Variants in BANK1 observed in about 807,000 individuals in gnomAD.
BANK1 encodes the protein B-cell scaffold protein with ankyrin repeats.
In BANK1, 95 loss-of-function variants were observed where a neutral mutation model predicts 94.5. That is an observed-to-expected ratio of 1.00 (90% CI 0.85 to 1.19). The LOEUF (loss-of-function observed/expected upper bound fraction) is 1.19, where lower values mean the gene tolerates loss of function less well. BANK1 is among the 50% of genes most tolerant of loss of function. The pLI, the probability that BANK1 is intolerant of heterozygous loss-of-function variation, is 0.00. For synonymous variants in BANK1, 334 were observed against 308.4 expected (o/e 1.08, Z -0.87); for missense variants, 987 against 932.2 (o/e 1.06, Z -0.77).
At chr4:101,929,786 G>T (rs1053767522) in intron 7 of BANK1, among the ~76,000 whole-genome samples, 3 of 149,764 alleles carry the variant, frequency 2.0e-5, no homozygotes, top group African/African-American at 7.3e-5. Flanking sequence ...TAGTTTGTTG[G>T]GGGGGGACTA....
intron 3 of BANK1, among the ~76,000 whole-genome samples, chr4:101,856,644 T>C (rs1388903057): frequency 1.3e-5 from 2 of 152,088 alleles, no homozygotes; most frequent in East Asian, 3.9e-4. Flanking sequence ...TACTAAATTT[T>C]CAAAGAAATC....
intron 2 of BANK1, among the ~76,000 whole-genome samples, chr4:101,837,008 CT>C: frequency 6.6e-6 from 1 of 152,218 alleles, no homozygotes; most frequent in African/African-American, 2.4e-5. Context: ...AGCTGGTGGC[CT>C]TTTTCCTCCC....
chr4:102,004,768 C>T (rs1215074020), intron 7 of BANK1, among the ~76,000 whole-genome samples: 1 of 152,096 alleles, frequency 6.6e-6, no homozygotes, highest in East Asian at 1.9e-4. Context: ...TGAGAAAATA[C>T]CTTGTGTGGC....
At chr4:102,005,261 C>G (rs1396058752) in intron 7 of BANK1, among the ~76,000 whole-genome samples, 1 of 151,958 alleles carries the variant, frequency 6.6e-6, no homozygotes, top group Non-Finnish European at 1.5e-5. Context: ...TATGAATTCT[C>G]TTAATTTTTT....
chr4:101,857,857 C>T (rs1578360812), intron 3 of BANK1, among the ~76,000 whole-genome samples: 2 of 152,284 alleles, frequency 1.3e-5, no homozygotes, highest in Admixed American at 6.5e-5. Flanking sequence ...TTCTATAAGA[C>T]TGGCACACTT....
At chr4:101,986,899 G>GTGTATA (rs1343197093) in intron 7 of BANK1, among the ~76,000 whole-genome samples, 29 of 82,660 alleles carry the variant, frequency 3.5e-4, no homozygotes, top group Admixed American at 7.5e-4. Flanking sequence ...GTGTGTGTGT[G>GTGTATA]TATATATATA....
chr4:102,056,357 A>G (rs1252957879), intron 11 of BANK1, among the ~76,000 whole-genome samples: 1 of 152,192 alleles, frequency 6.6e-6, no homozygotes, highest in Admixed American at 6.5e-5. Context: ...AATTGTGGAG[A>G]AAAGTGGAAA....
At chr4:101,878,934 A>G (rs1186030388) in intron 5 of BANK1, among the ~76,000 whole-genome samples, 1 of 152,058 alleles carries the variant, frequency 6.6e-6, no homozygotes, top group Non-Finnish European at 1.5e-5. Context: ...ACCAAAATCT[A>G]TGAGATACAG....
intron 10 of BANK1, among the ~76,000 whole-genome samples, chr4:102,041,800 A>G (rs1727712604): frequency 6.6e-6 from 1 of 152,052 alleles, no homozygotes; most frequent in Non-Finnish European, 1.5e-5. Context: ...TTCTTAATCT[A>G]GTAACTGAAA....
In BANK1 at chr4:102,074,628, TATCA is replaced by T. The variant is rs1728863896; in HGVS notation, c.*633_*636del. 1 of 152,092 alleles carries T rather than the reference TATCA, an allele frequency of 6.6e-6. No individual in the cohort carries two copies. Among genetic ancestry groups the T allele is most frequent in the Non-Finnish European group, 1.5e-5 (1 of 67,920 alleles). The allele number at this position is 152,092 out of a possible 1,614,324, so 9.4% of individuals were successfully genotyped here. A position where few individuals can be genotyped will look rare whatever the true frequency, so the allele number is the denominator to read the frequency against. ...ACCTTTGTATTAAGACTTGCAATTT[TATCA>T]ATCTATTATTTCTTAGAAACAATTT... is the stretch of plus-strand genomic sequence containing the variant. On this transcript the variant is annotated 3_prime_UTR_variant, in exon 17 of 17. Coordinates refer to ENST00000322953, the MANE Select transcript of BANK1 (RefSeq NM_017935.5).
intron 8 of BANK1, among the ~76,000 whole-genome samples, chr4:102,024,708 A>C (rs558494455): frequency 3.0e-4 from 46 of 152,238 alleles, no homozygotes; most frequent in Non-Finnish European, 5.3e-4. Flanking sequence ...ATTTACTATA[A>C]GGAATTATAA....
chr4:102,025,050 T>C, intron 8 of BANK1, 151 bp from the exon 9 acceptor site: 1 of 801,870 alleles, frequency 1.2e-6, no homozygotes, highest in African/African-American at 1.7e-5. Flanking sequence ...AAATGACTGT[T>C]CACTAAAAGT....
Position 101,837,046 on chromosome 4 carries a change from A to T in BANK1, c.469+6840A>T, listed in dbSNP as rs548143085. On this transcript the variant is annotated intron_variant, in intron 2 of 16. Transcript: ENST00000322953. The stretch of plus-strand genomic sequence containing the variant: ...ATTTTTCTAAAACACATACTAAATT[A>T]TGGGGCTCTACGTCACCTATGGAAT... Among the ~76,000 whole-genome samples, 18 of 152,302 alleles carry T rather than the reference A, an allele frequency of 1.2e-4. No homozygotes were observed. In the South Asian group the frequency reaches 3.7e-3, roughly 32 times the overall value.
chr4:102,019,833 T>C (rs965383788), intron 7 of BANK1, among the ~76,000 whole-genome samples: 3 of 152,208 alleles, frequency 2.0e-5, no homozygotes, highest in African/African-American at 4.8e-5. Context: ...AATTACTCCC[T>C]GCATAGTCTG....
At chr4:101,835,547 C>T (rs1726791680) in intron 2 of BANK1, among the ~76,000 whole-genome samples, 1 of 152,250 alleles carries the variant, frequency 6.6e-6, no homozygotes, top group South Asian at 2.1e-4. Context: ...CTTTATTTTA[C>T]ACTTTTTAAA....
intron 2 of BANK1, among the ~76,000 whole-genome samples, chr4:101,839,454 G>A (rs968699792): frequency 2.0e-4 from 31 of 152,088 alleles, no homozygotes; most frequent in Non-Finnish European, 2.8e-4. Flanking sequence ...GCATCATAAT[G>A]CTACAAAATG....
chr4:101,846,660 G>A (rs575339729), intron 2 of BANK1, among the ~76,000 whole-genome samples: 10 of 152,184 alleles, frequency 6.6e-5, no homozygotes, highest in African/African-American at 2.2e-4. Flanking sequence ...GAGATAGAGA[G>A]GGCAGGGGAA....
chr4:102,012,053 AT>A (rs1353098000), intron 7 of BANK1, among the ~76,000 whole-genome samples: 1 of 152,086 alleles, frequency 6.6e-6, no homozygotes, highest in Non-Finnish European at 1.5e-5. Context: ...AGTTTTCTTT[AT>A]TTTTTTAAAT....
intron 6 of BANK1, among the ~76,000 whole-genome samples, chr4:101,905,258 T>G (rs1199926964): frequency 6.6e-6 from 1 of 152,200 alleles, no homozygotes; most frequent in East Asian, 1.9e-4. Flanking sequence ...GTCCACAGAC[T>G]CCTGTTGGGA....
Sources: gnomAD v4.1 joint callset for allele counts (sites outside exome capture counted in the v4.1 genomes callset) on GRCh38, gnomAD v4.1.1 for gene constraint, MANE v1.5 for transcripts, NCBI Gene and HGNC (gene_info 2026-07-23, HGNC 2026-07-21) for gene names.